Variants in TRPM8 observed in about 807,000 individuals in gnomAD.
The protein encoded by TRPM8 is TRPM8 cationic channel.
In TRPM8, 110 loss-of-function variants were observed where a neutral mutation model predicts 133.7. That is an observed-to-expected ratio of 0.82 (90% CI 0.70 to 0.96). The LOEUF is 0.96. TRPM8 is among the 40% of genes least tolerant of loss of function. TRPM8 has a pLI of 0.00. For synonymous variants in TRPM8, 535 were observed against 532.3 expected (o/e 1.01, Z -0.07); for missense variants, 1,291 against 1,379.5 (o/e 0.94, Z 1.02).
At position 233,955,281 on chromosome 2, in the gene TRPM8, G is replaced by T; in HGVS notation, c.1362+31G>T. 1.9e-6 allele frequency: 3 copies of T among 1,557,098 alleles called. No homozygotes were observed. The South Asian group carries it at 3.3e-5, about 17-fold the overall frequency. ...CACGAAGCTCTCCTGGGTTATTCCA[G>T]TGTTGGGTCTGGACAGTGGTCTGGG... On this transcript the variant is annotated intron_variant, in intron 11 of 25. Coordinates refer to ENST00000324695, the MANE Select transcript of TRPM8 (RefSeq NM_024080.5).
intron 8 of TRPM8, 131 bp from the exon 9 acceptor site, chr2:233,949,818 T>C: frequency 4.3e-6 from 3 of 699,298 alleles, no homozygotes; most frequent in South Asian, 4.1e-5. Context: ...TGATTTAAAA[T>C]AAAAGCCCCA....
chr2:233,957,448 C>A (rs1691320360), intron 11 of TRPM8, among the ~76,000 whole-genome samples: 1 of 151,900 alleles, frequency 6.6e-6, no homozygotes, highest in South Asian at 2.1e-4. Flanking sequence ...GAGATCACAC[C>A]ACTGCACTCC....
At chr2:234,005,697 G>A (rs1202759350) in intron 22 of TRPM8, among the ~76,000 whole-genome samples, 1 of 152,078 alleles carries the variant, frequency 6.6e-6, no homozygotes, top group African/African-American at 2.4e-5. Flanking sequence ...AACCACTTGA[G>A]GTCAGGAGTT....
Position 233,955,288 on chromosome 2 carries a change from G to A in TRPM8, c.1362+38G>A, listed in dbSNP as rs28902168. The stretch of plus-strand genomic sequence containing the variant: ...CTCTCCTGGGTTATTCCAGTGTTGG[G>A]TCTGGACAGTGGTCTGGGCAATGTC... On this transcript the variant is annotated intron_variant, in intron 11 of 25. Coordinates refer to ENST00000324695, the MANE Select transcript of TRPM8 (RefSeq NM_024080.5). The A allele has an allele frequency of 0.013, 18,709 of 1,496,412 alleles. 1,820 individuals carry two copies. The African/African-American group carries it at 0.22, about 18-fold the overall frequency. 92.7% of individuals were successfully genotyped at this position (1,496,412 alleles called of 1,614,324 possible).
Position 233,966,743 on chromosome 2 carries a change from G to A in TRPM8, c.2013G>A (p.Gln671=). 1 of 1,584,254 alleles carries A rather than the reference G, an allele frequency of 6.3e-7. No individual in the cohort carries two copies. Among genetic ancestry groups the A allele is most frequent in the Non-Finnish European group, 8.6e-7 (1 of 1,161,598 alleles). The stretch of plus-strand genomic sequence containing the variant: ...CCACAGACCAGCATTTCATCGCCCA[G>A]CCTGGGGTCCAGGTAAACCATACTC... ...VEATDQHFIA[Q]PGVQNFLSKQ... is the part of the protein sequence containing the mutation. Residue 671 remains glutamine, a synonymous_variant, in exon 15 of 26, where the codon CAG becomes CAA. Transcript: ENST00000324695.
chr2:233,939,807 G>T (rs958752350), intron 5 of TRPM8, among the ~76,000 whole-genome samples: 1 of 152,062 alleles, frequency 6.6e-6, no homozygotes, highest in African/African-American at 2.4e-5. Flanking sequence ...GACTTTGGGG[G>T]GAACCGTTGA....
Position 233,964,716 on chromosome 2 carries a change from A to C in TRPM8, c.1838A>C (p.Glu613Ala). The C allele has an allele frequency of 6.2e-7, 1 of 1,612,728 alleles. No homozygotes were observed. The change falls in exon 14 of 26, where the codon GAG becomes GCG. Residue 613 changes from glutamate to alanine, a missense_variant. Transcript: ENST00000324695. ...KVKNDINAAGESEELANEYET... is the reference protein window; with the variant it reads ...KVKNDINAAGASEELANEYET... The stretch of plus-strand genomic sequence containing the variant: ...AAGAACGACATCAATGCTGCTGGGG[A>C]GTCCGAGGAGCTGGCTAATGAGTAC...
rs1692737588 is a variant in TRPM8, at chr2:234,008,106, A to G, written c.3264+3A>G. 2.5e-6 allele frequency: 4 copies of G among 1,594,786 alleles called. No individual in the cohort carries two copies. The highest frequency in any genetic ancestry group is 3.4e-6 in the Non-Finnish European group (4 of 1,174,264). On this transcript the variant is annotated splice_donor_region_variant and intron_variant, in intron 24 of 25. Transcript: ENST00000324695. ...GATTTAGACAACTGGATACAAAGGT[A>G]TGGTTCTGTTAATAGTTTGGATTTT...
chr2:233,945,718 C>T (rs1574710158), intron 6 of TRPM8, 138 bp from the exon 7 acceptor site: 1 of 682,722 alleles, frequency 1.5e-6, no homozygotes, highest in Non-Finnish European at 2.4e-6. Context: ...GCTAAGACCC[C>T]TCTGGATTTA....
intron 21 of TRPM8, among the ~76,000 whole-genome samples, chr2:233,988,359 C>T (rs973846464): frequency 1.3e-5 from 2 of 152,048 alleles, no homozygotes; most frequent in African/African-American, 4.8e-5. Flanking sequence ...CACAGAGACT[C>T]TTTGAGCCCC....
At chr2:233,920,818 G>A (rs1442331316) in intron 1 of TRPM8, among the ~76,000 whole-genome samples, 2 of 151,646 alleles carry the variant, frequency 1.3e-5, no homozygotes, top group South Asian at 2.1e-4. Context: ...CAGAGAATTG[G>A]CATTGGCACA....
chr2:234,005,825 C>T lies in TRPM8; in HGVS notation c.3131-1028C>T, dbSNP rs563229934. Among the ~76,000 whole-genome samples, 15 of 151,874 alleles carry T rather than the reference C, an allele frequency of 9.9e-5. No homozygotes were observed. The South Asian group carries it at 1.3e-3, about 13-fold the overall frequency. ...GCTTGGGAGGCTGAGGCAGGAGAAT[C>T]GCTTGAACCTAGGAGGCTGAGGTTG... On this transcript the variant is annotated intron_variant, in intron 22 of 25. Transcript: ENST00000324695.
intron 3 of TRPM8, among the ~76,000 whole-genome samples, chr2:233,932,133 G>A (rs1007785142): frequency 6.6e-6 from 1 of 152,210 alleles, no homozygotes; most frequent in African/African-American, 2.4e-5. Context: ...GTGGAAGCTG[G>A]AGCAGGGATT....
Position 233,941,734 on chromosome 2 carries a change from G to GC in TRPM8, c.527-836dup, listed in dbSNP as rs34723843. On this transcript the variant is annotated intron_variant, in intron 5 of 25. Transcript: ENST00000324695. The stretch of plus-strand genomic sequence containing the variant: ...GGTATTGTATTTGTTGTACTTTGCT[G>GC]CCCCCCGCCGCAATAAAACCCTGTA... Among the ~76,000 whole-genome samples the GC allele has an allele frequency of 0.012, 1,856 of 152,164 alleles. 80 individuals are homozygous for GC. The East Asian group carries it at 0.15, about 12-fold the overall frequency.
intron 15 of TRPM8, among the ~76,000 whole-genome samples, chr2:233,969,417 G>C (rs1691652035): frequency 6.6e-6 from 1 of 152,154 alleles, no homozygotes; most frequent in Non-Finnish European, 1.5e-5. Context: ...AACCTGGGAG[G>C]TGGAGGTTGT....
At chr2:233,953,862 A>G in intron 9 of TRPM8, 55 bp from the exon 10 acceptor site, 1 of 1,363,570 alleles carries the variant, frequency 7.3e-7, no homozygotes, top group Non-Finnish European at 1.0e-6. Flanking sequence ...AAAGAAGTTT[A>G]TGCTCCTCAT....
chr2:234,010,729 T>C (rs1429388926), intron 24 of TRPM8, among the ~76,000 whole-genome samples: 2 of 152,198 alleles, frequency 1.3e-5, no homozygotes, highest in Non-Finnish European at 2.9e-5. Context: ...CCCTGATGAT[T>C]AAGTGTTGAG....
At chr2:233,923,195 A>T (rs1488676326) in intron 1 of TRPM8, among the ~76,000 whole-genome samples, 1 of 152,210 alleles carries the variant, frequency 6.6e-6, no homozygotes, top group Non-Finnish European at 1.5e-5. Context: ...TTATACTTAA[A>T]TGATTTCATC....
chr2:233,942,705 T>C lies in TRPM8; in HGVS notation c.656T>C (p.Met219Thr). 2 of 1,614,178 alleles carry C rather than the reference T, an allele frequency of 1.2e-6. No individual in the cohort carries two copies. The highest frequency in any genetic ancestry group is 8.5e-7 in the Non-Finnish European group (1 of 1,180,038). The change falls in exon 6 of 26, where the codon ATG (methionine) becomes ACG (threonine). Residue 219 changes from methionine to threonine, a missense_variant. Physicochemically the swap from Met to Thr is moderately conservative, Grantham distance 81. Around this residue, in one of 2 missense-constraint regions of TRPM8, gnomAD observed 963 missense variants for 968.9 expected, o/e 0.99. Transcript: ENST00000324695. ...GCCATTGGCATAGCAGCTTGGGGCA[T>C]GGTCTCCAACCGGGACACCCTCATC... ...IVAIGIAAWG[M>T]VSNRDTLIRN...
Sources: gnomAD v4.1 joint callset for allele counts (sites outside exome capture counted in the v4.1 genomes callset) on GRCh38, gnomAD v4.1.1 for gene constraint, gnomAD v4.1.1 regional missense constraint, MANE v1.5 for transcripts, NCBI Gene and HGNC (gene_info 2026-07-23, HGNC 2026-07-21) for gene names.